Variants in LILRB4 observed in about 807,000 individuals in gnomAD.
LILRB4 encodes leukocyte immunoglobulin like receptor B4.
A neutral mutation model predicts 55.2 loss-of-function variants in LILRB4; 49 were observed. That is an observed-to-expected ratio of 0.89 (90% CI 0.71 to 1.13). The LOEUF is 1.13. Among genes scored for constraint, LILRB4 ranks in the 50% most tolerant of loss-of-function variants. LILRB4 has a pLI of 0.00. For missense variants in LILRB4, 590 were observed against 555.2 expected, an observed-to-expected ratio of 1.06 and a Z score of -0.63; for synonymous variants, 229 against 213.8, an observed-to-expected ratio of 1.07 and a Z score of -0.62.
chr19:54,664,390 C>T lies in LILRB4; in HGVS notation c.560C>T (p.Ser187Leu), dbSNP rs2065168493. Residue 187 changes from serine (S) to leucine (L), a missense_variant, in exon 4 of 12, where the codon TCA becomes TTA. Coordinates refer to ENST00000430952, the Ensembl canonical transcript of LILRB4. Reference sequence around the variant, plus strand: ...GAATTCCCCATGAGTCCTGTGACCTCAGTGCACGGGGGGACCTACAGGTGC... The same window carrying T: ...GAATTCCCCATGAGTCCTGTGACCTTAGTGCACGGGGGGACCTACAGGTGC... The T allele has an allele frequency of 3.1e-6, 5 of 1,614,010 alleles. No homozygotes were observed. In the East Asian group the frequency reaches 1.1e-4, roughly 36 times the overall value.
chr19:54,667,899 T>A (rs2065367515), exon 12 of LILRB4: 1 of 1,604,234 alleles, frequency 6.2e-7, no homozygotes, highest in Non-Finnish European at 8.5e-7. Context: ...CCCCCCAGGA[T>A]GTGACCTACG....
intron 10 of LILRB4, chr19:54,667,266 G>A (rs2065323943): frequency 1.0e-5 from 6 of 576,764 alleles, no homozygotes; most frequent in African/African-American, 3.7e-5. Context: ...GGGCAGTGGG[G>A]CCAGTCTGAA....
In LILRB4 at chr19:54,665,698, A is replaced by T. The variant is rs2065232586; in HGVS notation, c.758-117A>T. 1.6e-6 allele frequency: 2 copies of T among 1,248,290 alleles called. No homozygotes were observed. The highest frequency in any genetic ancestry group is 2.3e-6 in the Non-Finnish European group (2 of 871,760). The allele number at this position is 1,248,290 out of a possible 1,614,324, so 77.3% of individuals were successfully genotyped here. A position where few individuals can be genotyped will look rare whatever the true frequency, so the allele number is the denominator to read the frequency against. ...AGAGGGTGGCAATCTCAGGTTGCAC[A>T]ACTGCTGTGAGGGTTGGAGGTAATG... On this transcript the variant is annotated intron_variant, in intron 6 of 11. Coordinates refer to ENST00000430952, the Ensembl canonical transcript of LILRB4. The surrounding 1 kb of genome is among the most constrained non-coding windows in gnomAD (Gnocchi z 5.5).
intron 1 of LILRB4, 77 bp from the exon 2 acceptor site, chr19:54,663,455 A>AAAAAAAAAAAAAAAAAAAAAAAAAAC (rs2065104267): frequency 6.8e-7 from 1 of 1,478,256 alleles, no homozygotes; most frequent in African/African-American, 1.4e-5. Context: ...AAAAAAAAAA[A>AAAAAAAAAAAAAAAAAAAAAAAAAAC]AAAAAAAAAT....
chr19:54,663,046 T>G, exon 1 of LILRB4: 6 of 1,613,514 alleles, frequency 3.7e-6, no homozygotes, highest in South Asian at 2.2e-5. Flanking sequence ...GATCCCCACC[T>G]TCACGGCTCT....
In LILRB4 at chr19:54,666,145, A is replaced by G; in HGVS notation, c.875-95A>G. On this transcript the variant is annotated intron_variant, in intron 7 of 11. Transcript: ENST00000430952. The surrounding 1 kb of genome is among the most constrained non-coding windows in gnomAD (Gnocchi z 4.8). ...AGAAAGTATTTAAAACATCCTTGCA[A>G]GTGTATTTTCAGGTTTCCTTTCCTC... 7.5e-7 allele frequency: 1 copy of G among 1,326,126 alleles called. No individual in the cohort carries two copies. Among genetic ancestry groups the G allele is most frequent in the East Asian group, 2.3e-5 (1 of 43,162 alleles). 82.1% of individuals were successfully genotyped at this position (1,326,126 alleles called of 1,614,324 possible).
chr19:54,663,906 C>A (rs2065135825), exon 3 of LILRB4: 1 of 1,614,174 alleles, frequency 6.2e-7, no homozygotes, highest in African/African-American at 1.3e-5. Context: ...ACAGAACCCA[C>A]TGGAGCCCAA....
chr19:54,667,894 C>A (rs768203516), exon 12 of LILRB4: 1 of 1,612,836 alleles, frequency 6.2e-7, no homozygotes. Flanking sequence ...TGAAGCCCCC[C>A]AGGATGTGAC....
chr19:54,666,577 G>A lies in LILRB4; in HGVS notation c.989-120G>A. 2 of 1,419,480 alleles carry A rather than the reference G, an allele frequency of 1.4e-6. No homozygotes were observed. Among genetic ancestry groups the A allele is most frequent in the South Asian group, 1.2e-5 (1 of 80,380 alleles). 87.9% of individuals were successfully genotyped at this position (1,419,480 alleles called of 1,614,324 possible). ...CTGAACCCACATTGTGGGACCTCGG[G>A]GACATCACAGCCCCTCCCTGCGTTG... is the stretch of plus-strand genomic sequence containing the variant. On this transcript the variant is annotated intron_variant, in intron 9 of 11. Transcript: ENST00000430952. The surrounding 1 kb of genome is among the most constrained non-coding windows in gnomAD (Gnocchi z 4.8).
In LILRB4 at chr19:54,666,817, T is replaced by C; in HGVS notation, c.1041+68T>C. ...GCCAGATCTAATCCTGCAGGACTTC[T>C]CTGTCCTCCTTCCCCCGGCTCTCAG... On this transcript the variant is annotated intron_variant, in intron 10 of 11. Transcript: ENST00000430952. The surrounding 1 kb of genome is among the most constrained non-coding windows in gnomAD (Gnocchi z 4.8). The C allele has an allele frequency of 7.0e-7, 1 of 1,420,674 alleles. No individual in the cohort carries two copies. The highest frequency in any genetic ancestry group is 1.0e-6 in the Non-Finnish European group (1 of 1,004,402). 88.0% of individuals were successfully genotyped at this position (1,420,674 alleles called of 1,614,324 possible). A position where few individuals can be genotyped will look rare whatever the true frequency, so the allele number is the denominator to read the frequency against.
chr19:54,664,819 C>T (rs749976999), exon 5 of LILRB4: 13 of 1,606,466 alleles, frequency 8.1e-6, no homozygotes, highest in Non-Finnish European at 1.1e-5. Flanking sequence ...GGGTCCCAGG[C>T]CCTCACCCAC....
Position 54,666,580 on chromosome 19 carries a change from C to A in LILRB4, c.989-117C>A. ...AACCCACATTGTGGGACCTCGGGGACATCACAGCCCCTCCCTGCGTTGCAG... is the reference window on the plus strand; with the variant it reads ...AACCCACATTGTGGGACCTCGGGGAAATCACAGCCCCTCCCTGCGTTGCAG... On this transcript the variant is annotated intron_variant, in intron 9 of 11. Coordinates refer to ENST00000430952, the Ensembl canonical transcript of LILRB4. The surrounding 1 kb of genome is among the most constrained non-coding windows in gnomAD (Gnocchi z 4.8). 7.1e-7 allele frequency: 1 copy of A among 1,417,622 alleles called. No homozygotes were observed. Among genetic ancestry groups the A allele is most frequent in the Non-Finnish European group, 9.8e-7 (1 of 1,015,908 alleles). 87.8% of individuals were successfully genotyped at this position (1,417,622 alleles called of 1,614,324 possible). A position where few individuals can be genotyped will look rare whatever the true frequency, so the allele number is the denominator to read the frequency against.
chr19:54,665,736 A>G lies in LILRB4; in HGVS notation c.758-79A>G, dbSNP rs2065233701. ...GTTGGAGGTAATGAAAGAAAGACCC[A>G]GCACACACAGTAGGTGCACACACAG... On this transcript the variant is annotated intron_variant, in intron 6 of 11. Transcript: ENST00000430952. This position sits in a 1 kb window ranked among gnomAD's most constrained non-coding sequence, Gnocchi z 5.5. 1.3e-6 allele frequency: 2 copies of G among 1,494,552 alleles called. No homozygotes were observed. The highest frequency in any genetic ancestry group is 2.4e-5 in the South Asian group (2 of 83,160). 92.6% of individuals were successfully genotyped at this position (1,494,552 alleles called of 1,614,324 possible).
chr19:54,664,289 T>A (rs3745871), exon 4 of LILRB4: 1 of 1,613,772 alleles, frequency 6.2e-7, no homozygotes, highest in African/African-American at 1.3e-5. Context: ...TGGACACTTT[T>A]CTTCTGATCA....
chr19:54,665,436 C>T lies in LILRB4; in HGVS notation c.757+256C>T, dbSNP rs558147832. On this transcript the variant is annotated intron_variant, in intron 6 of 11. Coordinates refer to ENST00000430952, the Ensembl canonical transcript of LILRB4. This position sits in a 1 kb window ranked among gnomAD's most constrained non-coding sequence, Gnocchi z 5.5. The stretch of plus-strand genomic sequence containing the variant: ...AGACCCGATTCCGCAGGGGCCTGTC[C>T]GGTCCCACCTGCAGCAGAGACGGTG... Among the ~76,000 whole-genome samples, 9 of 152,060 alleles carry T rather than the reference C, an allele frequency of 5.9e-5. No homozygotes were observed. The highest frequency in any genetic ancestry group is 1.4e-4 in the African/African-American group (6 of 41,458).
At chr19:54,663,641 A>G (rs2065118159) in intron 2 of LILRB4, 74 bp downstream of exon 2, 1 of 1,611,422 alleles carries the variant, frequency 6.2e-7, no homozygotes, top group African/African-American at 1.3e-5. Context: ...CAGCTGGGGG[A>G]GGAGACAGCA....
At position 54,666,704 on chromosome 19, in the gene LILRB4, C is replaced by T. The variant is rs776313589; in HGVS notation, c.996C>T (p.Ala332=). 1.6e-5 allele frequency: 26 copies of T among 1,614,032 alleles called. No individual in the cohort carries two copies. The highest frequency in any genetic ancestry group is 3.3e-5 in the Admixed American group (2 of 60,000). ...CTTGCTCTACCCCAGCAGGTGCTGC[C>T]GTGAAGAACACACAGCCTGAGGACG... The change falls in exon 10 of 12, where the codon GCC becomes GCT. Residue 332 remains alanine, a synonymous_variant. Coordinates refer to ENST00000430952, the Ensembl canonical transcript of LILRB4. The surrounding 1 kb of genome is among the most constrained non-coding windows in gnomAD (Gnocchi z 4.8).
chr19:54,668,493 A>G (rs976796081), downstream of LILRB4: 2 of 164,768 alleles, frequency 1.2e-5, no homozygotes, highest in African/African-American at 4.8e-5. Context: ...AGGAGGCAGC[A>G]CTACAGACCC....
Position 54,666,473 on chromosome 19 carries a change from GC to G in LILRB4, c.988+38del, listed in dbSNP as rs760369813. On this transcript the variant is annotated intron_variant, in intron 9 of 11. Coordinates refer to ENST00000430952, the Ensembl canonical transcript of LILRB4. This position sits in a 1 kb window ranked among gnomAD's most constrained non-coding sequence, Gnocchi z 4.8. ...GCAGAGAAGGTGCACCTGGGGTGGA[GC>G]TGGGGGTCCCAAAATTTCAATAGCA... is the stretch of plus-strand genomic sequence containing the variant. The G allele has an allele frequency of 6.2e-7, 1 of 1,611,144 alleles. No homozygotes were observed. The highest frequency in any genetic ancestry group is 2.2e-5 in the East Asian group (1 of 44,874).
Sources: allele counts gnomAD v4.1 joint callset (sites outside exome capture counted in the v4.1 genomes callset), GRCh38; gene constraint gnomAD v4.1.1; non-coding constraint Gnocchi (gnomAD v3.1); transcripts MANE v1.5; gene names NCBI Gene and HGNC (gene_info 2026-07-23, HGNC 2026-07-21).